Variants in ZNF804B observed in about 807,000 individuals in gnomAD.
The protein encoded by ZNF804B is zinc finger protein 804B.
A neutral mutation model predicts 101.4 loss-of-function variants in ZNF804B; 80 were observed. The ratio of observed to expected loss-of-function variants is 0.79; its 90% CI spans 0.66 to 0.95. The LOEUF (loss-of-function observed/expected upper bound fraction) is 0.95, where lower values mean the gene tolerates loss of function less well. Among genes scored for constraint, ZNF804B ranks in the 40% least tolerant of loss-of-function variants. The pLI, the probability that ZNF804B is intolerant of heterozygous loss-of-function variation, is 0.00. For missense variants in ZNF804B, 1,673 were observed against 1,561.9 expected (o/e 1.07, Z -1.20); for synonymous variants, 622 against 558.8 (o/e 1.11, Z -1.59).
chr7:88,974,908 C>T (rs983954445), intron 1 of ZNF804B, among the ~76,000 whole-genome samples: 96 of 151,270 alleles, frequency 6.3e-4, no homozygotes, highest in African/African-American at 2.1e-3. Flanking sequence ...TATTTCTGTA[C>T]CCATTAACCA....
chr7:89,260,765 A>G (rs918330386), intron 2 of ZNF804B, among the ~76,000 whole-genome samples: 1 of 152,114 alleles, frequency 6.6e-6, no homozygotes, highest in Non-Finnish European at 1.5e-5. Flanking sequence ...TTCTGTCTTT[A>G]CCATGGTTCT....
rs13438720 is a variant in ZNF804B at position 88,894,537 on chromosome 7, T to A, written c.108+134453T>A. Among the ~76,000 whole-genome samples, 1,301 of 152,250 alleles carry A rather than the reference T, an allele frequency of 8.5e-3. 15 individuals are homozygous for A. The highest frequency in any genetic ancestry group is 0.03 in the African/African-American group (1,246 of 41,550). On this transcript the variant is annotated intron_variant, in intron 1 of 3. Coordinates refer to ENST00000333190, the MANE Select transcript of ZNF804B (RefSeq NM_181646.5). ...CAATCATACGCTATTAATAGCATAT[T>A]TTAGATTGAAAATCCTAAGAAAAAC...
chr7:88,806,937 C>G (rs1790701084), intron 1 of ZNF804B, among the ~76,000 whole-genome samples: 1 of 151,882 alleles, frequency 6.6e-6, no homozygotes, highest in Non-Finnish European at 1.5e-5. Flanking sequence ...AAGACCTATG[C>G]CTCTTAAAAA....
intron 2 of ZNF804B, among the ~76,000 whole-genome samples, chr7:89,297,089 T>C (rs1190388588): frequency 6.6e-6 from 1 of 152,050 alleles, no homozygotes; most frequent in African/African-American, 2.4e-5. Flanking sequence ...CTAAATCATA[T>C]AAAACTATCT....
chr7:89,195,681 A>C (rs1788537045), intron 1 of ZNF804B, among the ~76,000 whole-genome samples: 4 of 152,048 alleles, frequency 2.6e-5, no homozygotes, highest in African/African-American at 9.7e-5. Context: ...AAGCTTCTTA[A>C]GCTGATAAGA....
chr7:89,287,394 T>A (rs1268264142), intron 2 of ZNF804B, among the ~76,000 whole-genome samples: 1 of 152,088 alleles, frequency 6.6e-6, no homozygotes, highest in African/African-American at 2.4e-5. Context: ...AGAAAGGAGG[T>A]AAGTGACATG....
intron 2 of ZNF804B, among the ~76,000 whole-genome samples, chr7:89,220,161 A>ATATATC (rs1491393118): frequency 0.01 from 761 of 72,684 alleles, 42 homozygotes; most frequent in Non-Finnish European, 0.012. Context: ...ATATATATAT[A>ATATATC]CGCACATATA....
intron 1 of ZNF804B, among the ~76,000 whole-genome samples, chr7:89,080,282 G>A (rs1452128757): frequency 7.2e-6 from 1 of 139,708 alleles, no homozygotes; most frequent in Non-Finnish European, 1.5e-5. Context: ...CATAGCTTCA[G>A]TCTCTTCACC....
At chr7:89,025,614 C>T (rs1459716899) in intron 1 of ZNF804B, among the ~76,000 whole-genome samples, 1 of 152,102 alleles carries the variant, frequency 6.6e-6, no homozygotes, top group Non-Finnish European at 1.5e-5. Context: ...TATACTCACT[C>T]TTAGCTATTG....
chr7:89,189,983 T>C (rs1298321076), intron 1 of ZNF804B, among the ~76,000 whole-genome samples: 1 of 152,070 alleles, frequency 6.6e-6, no homozygotes, highest in South Asian at 2.1e-4. Context: ...TTATTCTAGA[T>C]GCCATTAAGA....
intron 1 of ZNF804B, among the ~76,000 whole-genome samples, chr7:89,203,118 A>T (rs1373901507): frequency 6.6e-6 from 1 of 152,140 alleles, no homozygotes; most frequent in Non-Finnish European, 1.5e-5. Flanking sequence ...GGTAACAGTA[A>T]GTATGGATTC....
At chr7:88,876,998 GAAAAAA>G in intron 1 of ZNF804B, among the ~76,000 whole-genome samples, 1 of 53,874 alleles carries the variant, frequency 1.9e-5, no homozygotes, top group Middle Eastern at 0.014. Context: ...GAGAATATTT[GAAAAAA>G]AAAATATATA....
rs112202282 is a variant in ZNF804B at position 89,126,826 on chromosome 7, A to G, written c.109-91329A>G. Among the ~76,000 whole-genome samples, 627 of 152,100 alleles carry G rather than the reference A, an allele frequency of 4.1e-3. 5 individuals are homozygous for G. Among genetic ancestry groups the G allele is most frequent in the African/African-American group, 0.014 (598 of 41,532 alleles). On this transcript the variant is annotated intron_variant, in intron 1 of 3. Coordinates refer to ENST00000333190, the MANE Select transcript of ZNF804B (RefSeq NM_181646.5). The stretch of plus-strand genomic sequence containing the variant: ...ATGAAGATTTGTAGGCCATAAAAGC[A>G]TCATTAGTATACTGAGATGGTAACA...
At chr7:88,926,146 C>T (rs1171470823) in intron 1 of ZNF804B, among the ~76,000 whole-genome samples, 1 of 152,132 alleles carries the variant, frequency 6.6e-6, no homozygotes, top group Non-Finnish European at 1.5e-5. Context: ...TTCATTACTG[C>T]ATTCTGGATG....
intron 2 of ZNF804B, among the ~76,000 whole-genome samples, chr7:89,298,618 T>C (rs1028808988): frequency 3.3e-5 from 5 of 151,936 alleles, no homozygotes. Context: ...TAATTAATTA[T>C]CTATATATGG....
At chr7:88,809,321 AT>A (rs1750207472) in intron 1 of ZNF804B, among the ~76,000 whole-genome samples, 2 of 103,816 alleles carry the variant, frequency 1.9e-5, no homozygotes, top group South Asian at 3.5e-4. Context: ...CTATCTATCT[AT>A]CTATCTATCT....
intron 1 of ZNF804B, among the ~76,000 whole-genome samples, chr7:88,823,078 C>T (rs1791005934): frequency 6.6e-6 from 1 of 152,072 alleles, no homozygotes; most frequent in African/African-American, 2.4e-5. Flanking sequence ...GGCGTAGTGG[C>T]AGATGCCTGT....
chr7:88,947,262 A>G (rs1793148227), intron 1 of ZNF804B, among the ~76,000 whole-genome samples: 1 of 152,036 alleles, frequency 6.6e-6, no homozygotes, highest in South Asian at 2.1e-4. Context: ...CTTGGAACCA[A>G]CCCAAATGCT....
intron 1 of ZNF804B, among the ~76,000 whole-genome samples, chr7:88,979,463 GT>G (rs894259683): frequency 1.7e-4 from 26 of 151,838 alleles, no homozygotes; most frequent in African/African-American, 6.3e-4. Flanking sequence ...ATAGATAAAG[GT>G]TTTTTTCCCC....
Sources: allele counts gnomAD v4.1 joint callset (sites outside exome capture counted in the v4.1 genomes callset), GRCh38; gene constraint gnomAD v4.1.1; transcripts MANE v1.5; gene names NCBI Gene and HGNC (gene_info 2026-07-23, HGNC 2026-07-21).